TENM4: variants seen among roughly 807,000 people sequenced by gnomAD.
The protein encoded by TENM4 is teneurin-4.
Under a neutral mutation model 243.3 loss-of-function variants are expected in TENM4, and 82 were observed. The observed-to-expected ratio is 0.34, with a 90% CI of 0.28 to 0.40. The LOEUF (loss-of-function observed/expected upper bound fraction) is 0.40. Ranked by LOEUF, TENM4 falls within the 10% of genes least tolerant of loss-of-function variation. The probability of loss-of-function intolerance (pLI) is 1.00; values close to 1 mark genes in which losing one functional copy is unlikely to be tolerated. For missense variants in TENM4, 3,138 were observed against 3,673.3 expected, an observed-to-expected ratio of 0.85 and a Z score of 3.77; for synonymous variants, 1,412 against 1,456.3, an observed-to-expected ratio of 0.97 and a Z score of 0.69.
chr11:78,746,181 C>T (rs1315768687), intron 19 of TENM4, among the ~76,000 whole-genome samples: 1 of 152,204 alleles, frequency 6.6e-6, no homozygotes, highest in Non-Finnish European at 1.5e-5. Flanking sequence ...GTCCACGTTC[C>T]TCATGTACAG....
intron 1 of TENM4, among the ~76,000 whole-genome samples, chr11:79,347,334 C>A (rs929570250): frequency 3.3e-5 from 5 of 152,214 alleles, no homozygotes; most frequent in African/African-American, 4.8e-5. Flanking sequence ...TTATACCAAA[C>A]CCTCATGGCT....
chr11:79,433,246 G>A (rs1018556027), intron 1 of TENM4, among the ~76,000 whole-genome samples: 3 of 152,138 alleles, frequency 2.0e-5, no homozygotes, highest in African/African-American at 7.2e-5. Flanking sequence ...GCAGCACCTG[G>A]GAGCTGGCGA....
chr11:78,993,983 T>G (rs550813847), intron 6 of TENM4, among the ~76,000 whole-genome samples: 40 of 152,316 alleles, frequency 2.6e-4, no homozygotes, highest in Admixed American at 2.6e-3. Flanking sequence ...CCTAAAAAAA[T>G]GTTGAGTTTT....
At chr11:79,191,932 A>T in intron 3 of TENM4, 1 of 159,952 alleles carries the variant, frequency 6.3e-6, no homozygotes, top group Non-Finnish European at 1.3e-5. Flanking sequence ...TCCGCCCCCC[A>T]TCCAGGAGGG....
intron 12 of TENM4, 79 bp downstream of exon 12, chr11:78,854,025 G>A: frequency 7.3e-7 from 1 of 1,369,666 alleles, no homozygotes; most frequent in Non-Finnish European, 1.0e-6. Flanking sequence ...CCTTGTCAGT[G>A]TCAGTCCCAG....
intron 12 of TENM4, among the ~76,000 whole-genome samples, chr11:78,830,483 A>G (rs186309172): frequency 2.0e-5 from 3 of 152,336 alleles, no homozygotes; most frequent in African/African-American, 7.2e-5. Context: ...TGTAACGGAA[A>G]GCAGGAAGAA....
intron 4 of TENM4, among the ~76,000 whole-genome samples, chr11:79,105,804 T>C (rs892416935): frequency 3.3e-5 from 5 of 152,238 alleles, no homozygotes; most frequent in African/African-American, 1.2e-4. Flanking sequence ...AAGAGCAAGG[T>C]AACAGTGTTG....
At chr11:79,379,506 T>G (rs142257203) in intron 1 of TENM4, among the ~76,000 whole-genome samples, 1 of 152,024 alleles carries the variant, frequency 6.6e-6, no homozygotes, top group Non-Finnish European at 1.5e-5. Flanking sequence ...GTGGTCCAAT[T>G]TGAGATGGAG....
chr11:79,317,638 G>A (rs1347988175), intron 1 of TENM4, among the ~76,000 whole-genome samples: 9 of 152,136 alleles, frequency 5.9e-5, no homozygotes, highest in Non-Finnish European at 1.3e-4. Context: ...ACCTGCTCAA[G>A]GTCATATGGC....
In TENM4 at chr11:78,732,377, G is replaced by A; in HGVS notation, c.3077C>T (p.Ser1026Phe). 6.2e-7 allele frequency: 1 copy of A among 1,614,022 alleles called. No homozygotes were observed. Residue 1026 changes from serine (S) to phenylalanine (F), a missense_variant, in exon 21 of 34, where the codon TCC (serine) becomes TTC (phenylalanine). This residue lies in a region of TENM4 where 2,467 missense variants were observed against 3,059.1 expected (regional missense o/e 0.81). Transcript: ENST00000278550. ...FARPNPVVSP[S>F]PLTSFASSCA... The stretch of plus-strand genomic sequence containing the variant: ...GGAGCTGGCGAAGGACGTCAGTGGG[G>A]ATGGAGAGACGACTGGGTTGGGGCG...
intron 19 of TENM4, among the ~76,000 whole-genome samples, chr11:78,748,520 A>G (rs1350005959): frequency 6.6e-6 from 1 of 152,180 alleles, no homozygotes; most frequent in East Asian, 1.9e-4. Context: ...ACCACACTGT[A>G]TGGATTTCTG....
Position 79,023,189 on chromosome 11 carries a change from C to T in TENM4, c.493+41549G>A, listed in dbSNP as rs186880578. 2.3e-4 allele frequency among the ~76,000 whole-genome samples: 35 copies of T among 152,218 alleles called. No homozygotes were observed. The East Asian group carries it at 5.6e-3, about 24-fold the overall frequency. ...TACCTATGATACCTGCTAGACCTTC[C>T]TAATCCCCATTTGTCAAGAAAATGC... On this transcript the variant is annotated intron_variant, in intron 6 of 33. Transcript: ENST00000278550.
intron 1 of TENM4, among the ~76,000 whole-genome samples, chr11:79,352,069 A>G (rs1857423520): frequency 6.6e-6 from 1 of 152,246 alleles, no homozygotes; most frequent in Admixed American, 6.5e-5. Context: ...TGTATAAAAG[A>G]TTCAGGAAAC....
Position 78,661,556 on chromosome 11 carries a change from G to A in TENM4, c.7444C>T (p.Leu2482=). The change falls in exon 33 of 34, where the codon CTA becomes TTA. Residue 2482 remains leucine (L), a synonymous_variant. Coordinates refer to ENST00000278550, the MANE Select transcript of TENM4 (RefSeq NM_001098816.3). The part of the protein sequence containing the change: ...NSWLLTFGFQ[L]HNVIPGYPKP... ...GGATAACCAGGGATCACGTTGTGTA[G>A]CTGGAATCCAAAGGTGAGCAGCCAG... The A allele has an allele frequency of 6.2e-7, 1 of 1,613,450 alleles. No individual in the cohort carries two copies. The highest frequency in any genetic ancestry group is 8.5e-7 in the Non-Finnish European group (1 of 1,179,746).
chr11:78,733,477 A>G (rs1855715657), intron 20 of TENM4, among the ~76,000 whole-genome samples: 1 of 152,200 alleles, frequency 6.6e-6, no homozygotes, highest in Non-Finnish European at 1.5e-5. Context: ...GGGATTGTAC[A>G]GGCAGAGTCT....
chr11:79,068,325 A>G (rs1860319431), intron 5 of TENM4: 1 of 152,274 alleles, frequency 6.6e-6, no homozygotes, highest in African/African-American at 2.4e-5. Flanking sequence ...AATACTAAAA[A>G]TGGCAGAGCC....
intron 12 of TENM4, among the ~76,000 whole-genome samples, chr11:78,822,101 T>C (rs763010484): frequency 2.6e-5 from 4 of 152,184 alleles, no homozygotes; most frequent in Non-Finnish European, 5.9e-5. Context: ...GCTGGATGTA[T>C]TCAAGGAGAG....
intron 4 of TENM4, among the ~76,000 whole-genome samples, chr11:79,108,507 GTA>G (rs144188671): frequency 1.1e-4 from 16 of 151,004 alleles, no homozygotes; most frequent in African/African-American, 2.4e-4. Flanking sequence ...GTGTGTGTGT[GTA>G]TATATATATA....
intron 15 of TENM4, among the ~76,000 whole-genome samples, chr11:78,788,432 G>A (rs600245): frequency 0.53 from 80,148 of 152,204 alleles, 25,075 homozygotes; most frequent in Non-Finnish European, 0.71. Flanking sequence ...CCTGGAGCCA[G>A]GGACCTGGAT....
Sources: allele counts gnomAD v4.1 joint callset (sites outside exome capture counted in the v4.1 genomes callset), GRCh38; gene constraint gnomAD v4.1.1; regional missense constraint gnomAD v4.1.1; transcripts MANE v1.5; gene names NCBI Gene and HGNC (gene_info 2026-07-23, HGNC 2026-07-21).